ALG13: variants seen among roughly 807,000 people sequenced by gnomAD.
ALG13 encodes the protein ALG13 UDP-N-acetylglucosaminyltransferase subunit.
Under a neutral mutation model 87.8 loss-of-function variants are expected in ALG13, and 11 were observed. The observed-to-expected ratio is 0.13, with a 90% confidence interval of 0.08 to 0.21. The LOEUF is 0.21. ALG13 is among the 10% of genes least tolerant of loss of function. ALG13 has a pLI of 1.00. For synonymous variants in ALG13, 320 were observed against 306.3 expected (o/e 1.04, Z -0.47); for missense variants, 756 against 866.1 (o/e 0.87, Z 1.60).
intron 3 of ALG13, among the ~76,000 whole-genome samples, chrX:111,685,896 G>A (rs1441993642): frequency 8.9e-6 from 1 of 112,150 alleles, no homozygotes; most frequent in Non-Finnish European, 1.9e-5. Context: ...TTGAGGAACA[G>A]AGGGAAGATT....
At chrX:111,682,635 C>T (rs1421221135) in intron 2 of ALG13, among the ~76,000 whole-genome samples, 1 of 111,970 alleles carries the variant, frequency 8.9e-6, no homozygotes, top group Admixed American at 9.5e-5. Context: ...GGGAAATTAA[C>T]CACTGTAGTC....
chrX:111,757,197 C>T (rs1428849929), intron 25 of ALG13: 1 of 121,354 alleles, frequency 8.2e-6, no homozygotes, highest in East Asian at 2.4e-4. Context: ...AGCATTTTTT[C>T]TTTAAATATT....
intron 25 of ALG13, among the ~76,000 whole-genome samples, chrX:111,753,583 A>G (rs1252322358): frequency 8.9e-6 from 1 of 112,039 alleles, no homozygotes; most frequent in Non-Finnish European, 1.9e-5. Context: ...GAAGAATCAA[A>G]TAGACACAAT....
At chrX:111,730,127 T>C (rs781728957) in intron 19 of ALG13, among the ~76,000 whole-genome samples, 3 of 112,131 alleles carry the variant, frequency 2.7e-5, no homozygotes, top group Non-Finnish European at 3.8e-5. Flanking sequence ...ACTGGAAAAA[T>C]TGGACACAAC....
At chrX:111,702,837 G>T (rs1396773164) in intron 3 of ALG13, among the ~76,000 whole-genome samples, 4 of 109,000 alleles carry the variant, frequency 3.7e-5, no homozygotes. Context: ...CAACATTTTT[G>T]AATCTTTTTT....
chrX:111,712,595 G>C (rs1009062429), intron 7 of ALG13, 65 bp downstream of exon 7: 3 of 641,850 alleles, frequency 4.7e-6, no homozygotes, highest in African/African-American at 4.5e-5. Flanking sequence ...AGATCTCAAC[G>C]GTCTCTTCAG....
intron 5 of ALG13, 142 bp from the exon 6 acceptor site, chrX:111,711,533 T>A (rs1296937317): frequency 4.3e-6 from 2 of 470,382 alleles, no homozygotes; most frequent in Non-Finnish European, 6.9e-6. Context: ...TGTGCAAATC[T>A]TCTTGAGGTG....
intron 23 of ALG13, among the ~76,000 whole-genome samples, chrX:111,740,892 T>A (rs1943684521): frequency 8.9e-6 from 1 of 112,690 alleles, no homozygotes; most frequent in East Asian, 2.8e-4. Context: ...TCTGCCTTCC[T>A]TATATGAACT....
chrX:111,741,301 A>G lies in ALG13; in HGVS notation c.2696-3367A>G, dbSNP rs1195039022. Reference sequence around the variant, plus strand: ...GATTAAGACATTCAAGAAATATCCAATTTTTTAATGGATGAGACTAAAAAA... The same window carrying G: ...GATTAAGACATTCAAGAAATATCCAGTTTTTTAATGGATGAGACTAAAAAA... On this transcript the variant is annotated intron_variant, in intron 23 of 26. Transcript: ENST00000394780. Among the ~76,000 whole-genome samples, 4 of 111,469 alleles carry G rather than the reference A, an allele frequency of 3.6e-5. No homozygotes were observed. The East Asian group carries it at 8.5e-4, about 24-fold the overall frequency.
intron 8 of ALG13, among the ~76,000 whole-genome samples, chrX:111,716,596 ATAACT>A (rs896847485): frequency 8.9e-6 from 1 of 111,749 alleles, no homozygotes; most frequent in Non-Finnish European, 1.9e-5. Context: ...GGAGAAACTT[ATAACT>A]TAAACTTTAC....
chrX:111,750,692 T>C (rs771082152), intron 24 of ALG13, among the ~76,000 whole-genome samples: 1 of 109,939 alleles, frequency 9.1e-6, no homozygotes, highest in African/African-American at 3.3e-5. Flanking sequence ...TATTTTGAGA[T>C]GGAGAGTCTC....
intron 18 of ALG13, 130 bp downstream of exon 18, chrX:111,727,900 A>G: frequency 2.5e-6 from 2 of 785,148 alleles, no homozygotes; most frequent in Non-Finnish European, 3.6e-6. Flanking sequence ...GAAAATGAAA[A>G]TGAGAAAAGA....
At chrX:111,737,503 CAAAAT>C (rs1200259827) in intron 23 of ALG13, among the ~76,000 whole-genome samples, 5 of 111,272 alleles carry the variant, frequency 4.5e-5, no homozygotes, top group African/African-American at 1.3e-4. Flanking sequence ...TTCTGAGTCT[CAAAAT>C]AAAAATGGAA....
chrX:111,752,996 G>A (rs1315769064), intron 25 of ALG13, 166 bp downstream of exon 25: 4 of 389,822 alleles, frequency 1.0e-5, no homozygotes, highest in Non-Finnish European at 1.8e-5. Context: ...GTCTGCTTTA[G>A]CCTCCCAGTG....
chrX:111,713,294 C>T lies in ALG13; in HGVS notation c.1002C>T (p.Asp334=), dbSNP rs766577404. Residue 334 remains aspartate (D), a synonymous_variant, in exon 8 of 27, where the codon GAC becomes GAT. Coordinates refer to ENST00000394780, the MANE Select transcript of ALG13 (RefSeq NM_001099922.3). ...ATGTCACAGATAATGGCTATGAAGACAAGGTAAGAAGATGAGTGAATGTTG... is the reference window on the plus strand; with the variant it reads ...ATGTCACAGATAATGGCTATGAAGATAAGGTAAGAAGATGAGTGAATGTTG... ...PTYVTDNGYE[D]KILLCYSSSG... is the part of the protein sequence containing the mutation. 8.6e-7 allele frequency: 1 copy of T among 1,166,694 alleles called. No homozygotes were observed. The highest frequency in any genetic ancestry group is 2.2e-5 in the Admixed American group (1 of 44,731).
intron 3 of ALG13, chrX:111,690,367 CAGTT>C (rs1935919520): frequency 1.3e-6 from 1 of 752,771 alleles, no homozygotes; most frequent in Non-Finnish European, 1.6e-6. Flanking sequence ...AAGAGGTAGA[CAGTT>C]AATAGAACAT....
chrX:111,730,593 T>A lies in ALG13; in HGVS notation c.2457+13T>A. On this transcript the variant is annotated intron_variant, in intron 21 of 26. Transcript: ENST00000394780. ...TACAGCAAACTTGGTAGGTATTTAA[T>A]AATAGCAAAGAGTTATAGCTCCTAC... The A allele has an allele frequency of 8.7e-7, 1 of 1,154,130 alleles. No homozygotes were observed. Among genetic ancestry groups the A allele is most frequent in the Non-Finnish European group, 1.2e-6 (1 of 856,934 alleles).
intron 21 of ALG13, among the ~76,000 whole-genome samples, chrX:111,731,103 C>T (rs1282870603): frequency 8.9e-6 from 1 of 112,009 alleles, no homozygotes; most frequent in Non-Finnish European, 1.9e-5. Context: ...ATGTTAACAG[C>T]GCTAAGAACT....
intron 3 of ALG13, among the ~76,000 whole-genome samples, chrX:111,691,560 A>G (rs1479385084): frequency 8.9e-6 from 1 of 112,505 alleles, no homozygotes; most frequent in South Asian, 3.7e-4. Flanking sequence ...CATTCTACAA[A>G]TAACATAATG....
Sources: allele counts gnomAD v4.1 joint callset (sites outside exome capture counted in the v4.1 genomes callset), GRCh38; gene constraint gnomAD v4.1.1; transcripts MANE v1.5; gene names NCBI Gene and HGNC (gene_info 2026-07-23, HGNC 2026-07-21).